Variants in SYT1 observed in about 807,000 individuals in gnomAD.
SYT1 encodes the protein synaptotagmin 1, also known as synaptotagmin-1.
Under a neutral mutation model 44.8 loss-of-function variants are expected in SYT1, and 8 were observed. That is an observed-to-expected ratio of 0.18 (90% CI 0.10 to 0.32). The LOEUF (loss-of-function observed/expected upper bound fraction) is 0.32, where lower values mean the gene tolerates loss of function less well. Among genes scored for constraint, SYT1 ranks in the 10% least tolerant of loss-of-function variants. The probability of loss-of-function intolerance (pLI) is 1.00; values close to 1 mark genes in which losing one functional copy is unlikely to be tolerated. For synonymous variants in SYT1, 154 were observed against 188.8 expected, an observed-to-expected ratio of 0.82 and a Z score of 1.51; for missense variants, 286 against 509.3, an observed-to-expected ratio of 0.56 and a Z score of 4.22.
At chr12:79,215,044 T>C (rs571125540) in intron 3 of SYT1, among the ~76,000 whole-genome samples, 1 of 152,090 alleles carries the variant, frequency 6.6e-6, no homozygotes, top group African/African-American at 2.4e-5. Flanking sequence ...ATCAACAGTT[T>C]TACCCAAGTT....
intron 3 of SYT1, among the ~76,000 whole-genome samples, chr12:79,139,320 A>G (rs1451813100): frequency 6.6e-6 from 1 of 152,214 alleles, no homozygotes; most frequent in Non-Finnish European, 1.5e-5. Context: ...AGGGAGCTTC[A>G]TTCTGAACTC....
chr12:79,257,531 A>G (rs1476809916), intron 4 of SYT1, among the ~76,000 whole-genome samples: 1 of 152,112 alleles, frequency 6.6e-6, no homozygotes, highest in Non-Finnish European at 1.5e-5. Context: ...CCCAGGCCGG[A>G]CTGCGGACTG....
At chr12:79,441,796 C>A (rs769886134) in intron 9 of SYT1, among the ~76,000 whole-genome samples, 2 of 152,188 alleles carry the variant, frequency 1.3e-5, no homozygotes, top group African/African-American at 2.4e-5. Context: ...GAAGGAGGTG[C>A]AACTTAGGGC....
At position 79,277,615 on chromosome 12, in the gene SYT1, T is replaced by C. The variant is rs181939587; in HGVS notation, c.167-8172T>C. On this transcript the variant is annotated intron_variant, in intron 4 of 10. Coordinates refer to ENST00000261205, the MANE Select transcript of SYT1 (RefSeq NM_005639.3). The stretch of plus-strand genomic sequence containing the variant: ...TATGAAATAATAACACAGTGGAGAA[T>C]ACAAAGCAATTAATGATCCACATGA... 1.6e-4 allele frequency among the ~76,000 whole-genome samples: 25 copies of C among 152,176 alleles called. No individual in the cohort carries two copies. In the East Asian group the frequency reaches 4.6e-3, roughly 28 times the overall value.
chr12:79,441,122 T>A (rs1309242478), intron 9 of SYT1, among the ~76,000 whole-genome samples: 2 of 152,220 alleles, frequency 1.3e-5, no homozygotes, highest in Non-Finnish European at 2.9e-5. Flanking sequence ...GCACAAAAGC[T>A]GATAAAGAAC....
intron 3 of SYT1, among the ~76,000 whole-genome samples, chr12:79,080,603 G>C (rs995548104): frequency 2.0e-5 from 3 of 152,084 alleles, no homozygotes; most frequent in African/African-American, 7.2e-5. Context: ...AGATGGTGGG[G>C]TTGAATATAT....
intron 8 of SYT1, among the ~76,000 whole-genome samples, chr12:79,315,810 T>A (rs954989861): frequency 6.6e-6 from 1 of 152,180 alleles, no homozygotes; most frequent in South Asian, 2.1e-4. Context: ...GAGCTCAAGA[T>A]GTAAATGCCA....
At chr12:79,135,672 A>T (rs1281273434) in intron 3 of SYT1, among the ~76,000 whole-genome samples, 2 of 152,150 alleles carry the variant, frequency 1.3e-5, no homozygotes, top group Non-Finnish European at 1.5e-5. Flanking sequence ...ACAGACTTGG[A>T]TGGTTTACAG....
chr12:79,014,468 C>T (rs1453061248), intron 2 of SYT1, among the ~76,000 whole-genome samples: 3 of 152,032 alleles, frequency 2.0e-5, no homozygotes, highest in Admixed American at 6.6e-5. Context: ...AAAATGCTCA[C>T]CATCACTGGC....
chr12:78,950,384 C>T (rs1008093755), intron 1 of SYT1, among the ~76,000 whole-genome samples: 3 of 152,008 alleles, frequency 2.0e-5, no homozygotes, highest in African/African-American at 7.2e-5. Flanking sequence ...AACAATCATG[C>T]AACACACACA....
intron 1 of SYT1, among the ~76,000 whole-genome samples, chr12:78,888,683 C>T (rs1874879724): frequency 6.6e-6 from 1 of 151,980 alleles, no homozygotes; most frequent in East Asian, 1.9e-4. Flanking sequence ...CTCCTCTTTA[C>T]TTTTTATAGT....
At chr12:78,910,748 A>C (rs1876271882) in intron 1 of SYT1, among the ~76,000 whole-genome samples, 1 of 152,004 alleles carries the variant, frequency 6.6e-6, no homozygotes, top group South Asian at 2.1e-4. Flanking sequence ...CCGTGTTCTG[A>C]GAGCTCATAG....
chr12:79,252,344 A>G (rs1045989800), intron 4 of SYT1, among the ~76,000 whole-genome samples: 1 of 152,200 alleles, frequency 6.6e-6, no homozygotes, highest in Non-Finnish European at 1.5e-5. Context: ...CATCATCATC[A>G]TCACCATATT....
At chr12:79,402,126 T>C (rs1159838846) in intron 9 of SYT1, among the ~76,000 whole-genome samples, 5 of 151,070 alleles carry the variant, frequency 3.3e-5, no homozygotes, top group African/African-American at 1.2e-4. Context: ...CTGACAGGAG[T>C]TGACCCTTTG....
intron 3 of SYT1, among the ~76,000 whole-genome samples, chr12:79,095,448 T>G: frequency 6.6e-6 from 1 of 151,978 alleles, no homozygotes; most frequent in East Asian, 1.9e-4. Flanking sequence ...TCTCTTCTTT[T>G]TTTTAATTTG....
intron 8 of SYT1, among the ~76,000 whole-genome samples, chr12:79,303,507 G>T (rs10746103): frequency 0.37 from 55,496 of 151,538 alleles, 10,399 homozygotes; most frequent in East Asian, 0.59. Context: ...CTATCACCTC[G>T]GCTTTGTGTA....
chr12:78,973,926 AAAAAAAAAAAAAATATATATATATATAT>A (rs1206959899), intron 1 of SYT1, among the ~76,000 whole-genome samples: 8 of 40,974 alleles, frequency 2.0e-4, no homozygotes, highest in African/African-American at 8.8e-4. Flanking sequence ...CAAAAAAAAA[AAAAAAAAAAAAAATATATATATATATAT>A]ATATATATAT....
At chr12:79,274,485 C>G (rs1360246214) in intron 4 of SYT1, among the ~76,000 whole-genome samples, 1 of 152,186 alleles carries the variant, frequency 6.6e-6, no homozygotes, top group Non-Finnish European at 1.5e-5. Context: ...TGGTTCCACT[C>G]CTCTCTGGAA....
At chr12:79,401,152 A>G (rs1419887703) in intron 9 of SYT1, among the ~76,000 whole-genome samples, 2 of 152,224 alleles carry the variant, frequency 1.3e-5, no homozygotes, top group Admixed American at 6.5e-5. Context: ...ACAAGGGCCA[A>G]TGGAATACTG....
Sources: allele counts gnomAD v4.1 joint callset (sites outside exome capture counted in the v4.1 genomes callset), GRCh38; gene constraint gnomAD v4.1.1; transcripts MANE v1.5; gene names NCBI Gene and HGNC (gene_info 2026-07-23, HGNC 2026-07-21).